Variants in USP9Y observed in about 807,000 individuals in gnomAD.
The protein encoded by USP9Y is ubiquitin specific peptidase 9 Y-linked.
In USP9Y, 41 loss-of-function variants were observed where a neutral mutation model predicts 53.1. The observed-to-expected ratio is 0.77, with a 90% confidence interval of 0.60 to 1.00. The LOEUF is 1.00. Ranked by LOEUF, USP9Y falls within the 50% of genes least tolerant of loss-of-function variation. The probability of loss-of-function intolerance (pLI) is 0.00; values close to 1 mark genes in which losing one functional copy is unlikely to be tolerated. For missense variants in USP9Y, 567 were observed against 535.8 expected (o/e 1.06, Z -0.58); for synonymous variants, 220 against 173.7 (o/e 1.27, Z -2.09).
At chrY:12,722,382 A>G in intron 5 of USP9Y, among the ~76,000 whole-genome samples, 195 bp downstream of exon 5, 1 of 32,150 alleles carries the variant, frequency 3.1e-5, no homozygotes, top group East Asian at 8.0e-4. Flanking sequence ...ACACACACAC[A>G]CATATATATA....
At chrY:12,837,806 C>G in intron 34 of USP9Y, 105 bp from the exon 35 acceptor site, 1 of 172,486 alleles carries the variant, frequency 5.8e-6, no homozygotes, top group Non-Finnish European at 9.9e-6. Flanking sequence ...GATTGTGCCA[C>G]TGCACGCCAG....
At position 12,812,950 on chromosome Y, in the gene USP9Y, G is replaced by A. The variant is rs1274106858; in HGVS notation, c.4507G>A (p.Gly1503Ser). ...TAGTTCACCCGTTACCATCAATGCC[G>A]GTTTTGAGCTACTTGTAGCATTAGC... ...VCSSPVTINA[G>S]FELLVALAIG... Residue 1503 changes from glycine (G) to serine (S), a missense_variant, in exon 31 of 46, where the codon GGT becomes AGT. Coordinates refer to ENST00000338981, the MANE Select transcript of USP9Y (RefSeq NM_004654.4). 7.1e-5 allele frequency: 28 copies of A among 396,631 alleles called. No individual in the cohort carries two copies. Among genetic ancestry groups the A allele is most frequent in the Non-Finnish European group, 9.2e-5 (26 of 282,927 alleles).
chrY:12,715,081 T>C (rs2053429392), intron 3 of USP9Y, among the ~76,000 whole-genome samples: 1 of 31,748 alleles, frequency 3.1e-5, no homozygotes, highest in Non-Finnish European at 7.6e-5. Flanking sequence ...TGTAGAATGC[T>C]GTAGCAGGCT....
chrY:12,763,662 GTTTTTTTTTTTTTT>G (rs781504165), intron 15 of USP9Y, among the ~76,000 whole-genome samples: 54 of 9,175 alleles, frequency 5.9e-3, no homozygotes, highest in African/African-American at 0.02. Flanking sequence ...TTTTCTTTGT[GTTTTTTTTTTTTTT>G]TTTTTTTTTT....
chrY:12,791,552 C>T lies in USP9Y; in HGVS notation c.3741C>T (p.Ile1247=), dbSNP rs1406984174. The change falls in exon 26 of 46, where the codon ATC becomes ATT. Residue 1247 remains isoleucine, a synonymous_variant. Transcript: ENST00000338981. ...ICVIRAIQKI[I]WASACGALGL... ...TAATTAGGGCTATACAGAAAATTAT[C>T]TGGGCATCAGCATGTGGGGCATTAG... is the stretch of plus-strand genomic sequence containing the variant. 2.5e-6 allele frequency: 1 copy of T among 394,215 alleles called. No individual in the cohort carries two copies. The highest frequency in any genetic ancestry group is 3.6e-6 in the Non-Finnish European group (1 of 279,909).
chrY:12,786,187 T>A lies in USP9Y; in HGVS notation c.3152-16T>A. ...GAGTTACACTTTATTTTAGTCTGTG[T>A]CTTTTTCCTTTGCAGATAGAACAGC... On this transcript the variant is annotated splice_polypyrimidine_tract_variant and intron_variant, in intron 22 of 45. Transcript: ENST00000338981. 2.5e-6 allele frequency: 1 copy of A among 397,188 alleles called. No homozygotes were observed.
At chrY:12,790,289 A>T (rs2053506217) in intron 24 of USP9Y, 118 bp from the exon 25 acceptor site, 5 of 202,380 alleles carry the variant, frequency 2.5e-5, no homozygotes, top group African/African-American at 8.2e-5. Context: ...AAGTGAAGGA[A>T]TAACATGCCG....
At chrY:12,807,846 C>T in intron 27 of USP9Y, among the ~76,000 whole-genome samples, 1 of 32,676 alleles carries the variant, frequency 3.1e-5, no homozygotes, top group African/African-American at 1.2e-4. Flanking sequence ...CCAAGGTGTC[C>T]TCTTAGTTAT....
intron 15 of USP9Y, among the ~76,000 whole-genome samples, chrY:12,763,662 G>GT (rs781504165): frequency 9.3e-3 from 85 of 9,167 alleles, no homozygotes; most frequent in Admixed American, 0.013. Flanking sequence ...TTTTCTTTGT[G>GT]TTTTTTTTTT....
intron 15 of USP9Y, among the ~76,000 whole-genome samples, chrY:12,761,044 A>G: frequency 5.8e-5 from 2 of 34,351 alleles, no homozygotes; most frequent in Non-Finnish European, 1.5e-4. Flanking sequence ...TCATTGCAGC[A>G]TCTGCTTCTC....
chrY:12,856,706 A>G lies in USP9Y; in HGVS notation c.7295A>G (p.Tyr2432Cys), dbSNP rs753446134. 1.5e-5 allele frequency: 6 copies of G among 397,978 alleles called. No individual in the cohort carries two copies. The highest frequency in any genetic ancestry group is 6.0e-4 in the Middle Eastern group (1 of 1,657). The change falls in exon 44 of 46, where the codon TAT becomes TGT. Residue 2432 changes from tyrosine to cysteine, a missense_variant. Tyr to Cys is a radical substitution (Grantham distance 194). Coordinates refer to ENST00000338981, the MANE Select transcript of USP9Y (RefSeq NM_004654.4). ...WLGDELERRP[Y>C]TGNPQYSYNN... ...GGAGATGAACTTGAAAGAAGACCATATACTGGCAATCCTCAGTATAGTTAC... is the reference window on the plus strand; with the variant it reads ...GGAGATGAACTTGAAAGAAGACCATGTACTGGCAATCCTCAGTATAGTTAC...
intron 7 of USP9Y, among the ~76,000 whole-genome samples, chrY:12,734,862 G>T: frequency 3.1e-5 from 1 of 32,029 alleles, no homozygotes; most frequent in Non-Finnish European, 7.6e-5. Context: ...CTCAGGTCAG[G>T]AGTTCGAGAC....
At position 12,709,483 on chromosome Y, in the gene USP9Y, G is replaced by A. The variant is rs780814067; in HGVS notation, c.36G>A (p.Gly12=). ...TAITHGSPVG[G]NDSQGQVLDG... ...TCACTCATGGCTCTCCAGTAGGAGG[G>A]AACGACAGCCAGGGCCAGGTTCTTG... Residue 12 remains glycine (G), a synonymous_variant, in exon 3 of 46, where the codon GGG becomes GGA. Coordinates refer to ENST00000338981, the MANE Select transcript of USP9Y (RefSeq NM_004654.4). The A allele has an allele frequency of 1.0e-5, 4 of 396,535 alleles. No individual in the cohort carries two copies. Among genetic ancestry groups the A allele is most frequent in the African/African-American group, 1.3e-4 (2 of 15,759 alleles).
intron 15 of USP9Y, among the ~76,000 whole-genome samples, chrY:12,764,665 A>G (rs2053478837): frequency 3.0e-5 from 1 of 33,591 alleles, no homozygotes. Context: ...GTTAAAATAA[A>G]GAAACACAGA....
At chrY:12,779,673 C>A (rs757601164) in intron 22 of USP9Y, 27 bp downstream of exon 22, 5 of 390,535 alleles carry the variant, frequency 1.3e-5, no homozygotes, top group Non-Finnish European at 1.8e-5. Context: ...TCCCCCTATT[C>A]CACAGAAAGG....
intron 12 of USP9Y, among the ~76,000 whole-genome samples, chrY:12,749,378 G>C: frequency 3.0e-5 from 1 of 33,008 alleles, no homozygotes; most frequent in Non-Finnish European, 7.4e-5. Flanking sequence ...AAGACAGTGA[G>C]AGCAGCACCC....
At chrY:12,837,138 C>T in intron 34 of USP9Y, among the ~76,000 whole-genome samples, 1 of 32,270 alleles carries the variant, frequency 3.1e-5, no homozygotes, top group Non-Finnish European at 7.5e-5. Context: ...GAACCCATCT[C>T]TACAAAAAAC....
chrY:12,801,450 T>G, intron 27 of USP9Y, among the ~76,000 whole-genome samples: 1 of 33,952 alleles, frequency 2.9e-5, no homozygotes, highest in Non-Finnish European at 7.3e-5. Flanking sequence ...AAATAAGTCT[T>G]TTGATTTAGA....
At chrY:12,714,040 G>A in intron 3 of USP9Y, among the ~76,000 whole-genome samples, 1 of 29,544 alleles carries the variant, frequency 3.4e-5, no homozygotes, top group African/African-American at 1.3e-4. Context: ...TTACAGGCAC[G>A]TGTCACCACG....
Sources: allele counts gnomAD v4.1 joint callset (sites outside exome capture counted in the v4.1 genomes callset), GRCh38; gene constraint gnomAD v4.1.1; transcripts MANE v1.5; gene names NCBI Gene and HGNC (gene_info 2026-07-23, HGNC 2026-07-21).